The following CNOT4 variants were observed in gnomAD, a reference collection of about 807,000 sequenced individuals.
CNOT4 encodes CCR4-NOT transcription complex subunit 4.
In CNOT4, 8 loss-of-function variants were observed where a neutral mutation model predicts 73.8. That is an observed-to-expected ratio of 0.11 (90% confidence interval 0.06 to 0.20). The LOEUF (loss-of-function observed/expected upper bound fraction) is 0.20. CNOT4 is among the 10% of genes least tolerant of loss of function. CNOT4 has a pLI of 1.00. For missense variants in CNOT4, 564 were observed against 883.4 expected (o/e 0.64, Z 4.58); for synonymous variants, 293 against 321.1 (o/e 0.91, Z 0.94).
chr7:135,402,514 T>G (rs551226160), intron 7 of CNOT4, among the ~76,000 whole-genome samples: 4 of 152,176 alleles, frequency 2.6e-5, no homozygotes, highest in African/African-American at 9.7e-5. Flanking sequence ...TTTATTTATT[T>G]AAAGTAAAAA....
At chr7:135,408,545 A>G (rs1419424370) in intron 7 of CNOT4, among the ~76,000 whole-genome samples, 1 of 152,160 alleles carries the variant, frequency 6.6e-6, no homozygotes, top group Non-Finnish European at 1.5e-5. Flanking sequence ...CTTCCAACCT[A>G]CTTACTGGGG....
At chr7:135,401,638 G>A (rs1485838820) in intron 7 of CNOT4, among the ~76,000 whole-genome samples, 1 of 152,082 alleles carries the variant, frequency 6.6e-6, no homozygotes. Context: ...TGCCTAGTGA[G>A]GGAAAAAGCT....
intron 10 of CNOT4, among the ~76,000 whole-genome samples, chr7:135,390,294 T>C (rs1232400115): frequency 6.6e-6 from 1 of 152,192 alleles, no homozygotes; most frequent in Non-Finnish European, 1.5e-5. Flanking sequence ...CTAATTCCAC[T>C]ACTAATTGAA....
chr7:135,478,364 G>A (rs924822211), intron 1 of CNOT4, among the ~76,000 whole-genome samples: 2 of 152,118 alleles, frequency 1.3e-5, no homozygotes, highest in Non-Finnish European at 2.9e-5. Context: ...GTTGTGAAAT[G>A]TTTTTCTGGA....
rs570639031 is a variant in CNOT4, at chr7:135,442,277, A to G, written c.-92-3854T>C. The stretch of plus-strand genomic sequence containing the variant: ...TTCATTTAGAGAATAATTTTACTTA[A>G]TAAGCCAGACAACTAATATTAAAAT... On this transcript the variant is annotated intron_variant, in intron 1 of 11. Transcript: ENST00000541284. 3.3e-5 allele frequency among the ~76,000 whole-genome samples: 5 copies of G among 152,338 alleles called. No individual in the cohort carries two copies. In the South Asian group the frequency reaches 6.2e-4, roughly 19 times the overall value.
At chr7:135,480,634 C>A (rs758736356) in intron 1 of CNOT4, among the ~76,000 whole-genome samples, 1 of 152,148 alleles carries the variant, frequency 6.6e-6, no homozygotes, top group Admixed American at 6.5e-5. Flanking sequence ...TAGCTCATTG[C>A]AGTTTCAAAT....
At chr7:135,472,526 T>A (rs1274854696) in intron 1 of CNOT4, among the ~76,000 whole-genome samples, 4 of 33,194 alleles carry the variant, frequency 1.2e-4, no homozygotes, top group Admixed American at 7.6e-4. Context: ...TATATATATA[T>A]ATATATATAT....
At chr7:135,505,511 A>C (rs1021028986) in intron 1 of CNOT4, among the ~76,000 whole-genome samples, 1 of 152,118 alleles carries the variant, frequency 6.6e-6, no homozygotes, top group Non-Finnish European at 1.5e-5. Context: ...GAGATCGTGC[A>C]GCTACACTCC....
At chr7:135,443,091 C>T (rs1432697493) in intron 1 of CNOT4, among the ~76,000 whole-genome samples, 1 of 151,614 alleles carries the variant, frequency 6.6e-6, no homozygotes, top group Non-Finnish European at 1.5e-5. Flanking sequence ...TGGCTCACAC[C>T]TGTAACCCCA....
At chr7:135,381,847 G>A (rs1039400997) in intron 10 of CNOT4, among the ~76,000 whole-genome samples, 1 of 152,146 alleles carries the variant, frequency 6.6e-6, no homozygotes, top group Admixed American at 6.5e-5. Flanking sequence ...ATTATATGAG[G>A]GGAAAAAGCA....
intron 1 of CNOT4, among the ~76,000 whole-genome samples, chr7:135,458,974 T>A (rs1800711838): frequency 6.6e-6 from 1 of 152,020 alleles, no homozygotes; most frequent in African/African-American, 2.4e-5. Flanking sequence ...TCCAGAAGGT[T>A]TTCAATTTAT....
At chr7:135,434,704 A>C (rs1799046493) in intron 2 of CNOT4, among the ~76,000 whole-genome samples, 2 of 152,308 alleles carry the variant, frequency 1.3e-5, no homozygotes, top group South Asian at 4.1e-4. Flanking sequence ...CTCACCTGAA[A>C]TCCAGACATG....
intron 1 of CNOT4, among the ~76,000 whole-genome samples, chr7:135,465,728 T>C (rs971537420): frequency 1.2e-4 from 17 of 146,474 alleles, no homozygotes; most frequent in Admixed American, 4.1e-4. Context: ...TGTGTGTGTT[T>C]AACAAAAAAA....
At chr7:135,387,201 T>C (rs1796162958) in intron 10 of CNOT4, 3 of 984,422 alleles carry the variant, frequency 3.0e-6, no homozygotes, top group South Asian at 4.7e-5. Flanking sequence ...AAATTGGCAA[T>C]GTTCTTGTAA....
intron 1 of CNOT4, among the ~76,000 whole-genome samples, chr7:135,464,273 C>T (rs1234456121): frequency 6.6e-6 from 1 of 152,040 alleles, no homozygotes. Flanking sequence ...ACAGCAAACA[C>T]GTGGAATCAA....
chr7:135,474,141 G>A (rs1166376719), intron 1 of CNOT4, among the ~76,000 whole-genome samples: 3 of 149,710 alleles, frequency 2.0e-5, no homozygotes, highest in Admixed American at 6.7e-5. Context: ...CACTGGGCCC[G>A]GCTAATTTTT....
At chr7:135,428,990 C>T (rs949074154) in intron 2 of CNOT4, among the ~76,000 whole-genome samples, 5 of 152,298 alleles carry the variant, frequency 3.3e-5, no homozygotes, top group Non-Finnish European at 5.9e-5. Context: ...TATACACACA[C>T]ACATACACAC....
chr7:135,419,306 A>G (rs1433415069), intron 3 of CNOT4, among the ~76,000 whole-genome samples: 21 of 152,220 alleles, frequency 1.4e-4, no homozygotes, highest in Admixed American at 1.4e-3. Flanking sequence ...CATCATCCAA[A>G]GATAAGTAAA....
rs1258118520 is a variant in CNOT4, at chr7:135,438,413, A to G, written c.-82T>C. ...TCAGCACTGAAAGCTAAAATGTAGG[A>G]CTTTGACGACCTGCATGAGAAGAAA... On this transcript the variant is annotated 5_prime_UTR_variant, in exon 2 of 12. Coordinates refer to ENST00000541284, the MANE Select transcript of CNOT4 (RefSeq NM_001190850.2). 7.0e-6 allele frequency: 8 copies of G among 1,142,912 alleles called. No homozygotes were observed. The highest frequency in any genetic ancestry group is 9.6e-6 in the Non-Finnish European group (8 of 831,180). 70.8% of individuals were successfully genotyped at this position (1,142,912 alleles called of 1,614,324 possible).
Sources: allele counts gnomAD v4.1 joint callset (sites outside exome capture counted in the v4.1 genomes callset), GRCh38; gene constraint gnomAD v4.1.1; transcripts MANE v1.5; gene names NCBI Gene and HGNC (gene_info 2026-07-23, HGNC 2026-07-21).